UBR2: variants seen among roughly 807,000 people sequenced by gnomAD.
UBR2 encodes the protein ubiquitin protein ligase E3 component n-recognin 2, also known as E3 ubiquitin-protein ligase UBR2.
In UBR2, 92 loss-of-function variants were observed where a neutral mutation model predicts 247.9. The ratio of observed to expected loss-of-function variants is 0.37; its 90% CI spans 0.31 to 0.44. The LOEUF (loss-of-function observed/expected upper bound fraction) is 0.44, where lower values mean the gene tolerates loss of function less well. Among genes scored for constraint, UBR2 ranks in the 20% least tolerant of loss-of-function variants. UBR2 has a pLI of 1.00. For missense variants in UBR2, 1,613 were observed against 2,112.6 expected (o/e 0.76, Z 4.64); for synonymous variants, 672 against 693.5 (o/e 0.97, Z 0.49).
At position 42,564,714 on chromosome 6, in the gene UBR2, T is replaced by C. The variant is rs183100302; in HGVS notation, c.78+317T>C. ...TCTCCCAACACATGGGCCTTTGCCC[T>C]TTATATCAGCTCTTGGAAGAGGAGA... On this transcript the variant is annotated intron_variant, in intron 1 of 46. Transcript: ENST00000372901. 2.0e-5 allele frequency among the ~76,000 whole-genome samples: 3 copies of C among 152,362 alleles called. No individual in the cohort carries two copies. In the East Asian group the frequency reaches 5.8e-4, roughly 29 times the overall value.
intron 8 of UBR2, among the ~76,000 whole-genome samples, chr6:42,613,573 T>C (rs954948877): frequency 2.0e-5 from 3 of 152,090 alleles, no homozygotes; most frequent in Non-Finnish European, 4.4e-5. Flanking sequence ...AAATTTTTTT[T>C]AAAAGAAAAT....
At chr6:42,675,736 G>T (rs1201556438) in intron 38 of UBR2, among the ~76,000 whole-genome samples, 1 of 152,100 alleles carries the variant, frequency 6.6e-6, no homozygotes. Context: ...GAGGTGGGCG[G>T]ATTACCTGAG....
intron 38 of UBR2, 93 bp from the exon 39 acceptor site, chr6:42,675,963 A>G: frequency 6.7e-7 from 1 of 1,493,264 alleles, no homozygotes; most frequent in Non-Finnish European, 8.9e-7. Context: ...TCTCAAAAAA[A>G]AAATCAAAAT....
intron 36 of UBR2, 43 bp from the exon 37 acceptor site, chr6:42,673,748 C>T: frequency 6.8e-7 from 1 of 1,460,170 alleles, no homozygotes; most frequent in Non-Finnish European, 9.6e-7. Context: ...AAGAGAACTG[C>T]TTTGCATTTT....
chr6:42,607,914 A>G (rs1582516740), intron 7 of UBR2, among the ~76,000 whole-genome samples: 2 of 152,036 alleles, frequency 1.3e-5, no homozygotes, highest in East Asian at 3.8e-4. Context: ...ATTACACTGC[A>G]GCTTGCCTTT....
chr6:42,638,712 AGCACGCAGGCGCAGCGTG>A (rs1169802715), intron 15 of UBR2, among the ~76,000 whole-genome samples: 2 of 152,124 alleles, frequency 1.3e-5, no homozygotes, highest in African/African-American at 4.8e-5. Context: ...GTGTGGAAGT[AGCACGCAGGCGCAGCGTG>A]GCATGCCCTG....
chr6:42,589,243 A>G (rs1792500452), intron 2 of UBR2, among the ~76,000 whole-genome samples: 1 of 152,220 alleles, frequency 6.6e-6, no homozygotes, highest in Non-Finnish European at 1.5e-5. Flanking sequence ...TGCTGGGATT[A>G]CAGGTGTGAG....
chr6:42,658,050 C>T lies in UBR2; in HGVS notation c.2899C>T (p.Pro967Ser), dbSNP rs1257590432. The change falls in exon 27 of 47, where the codon CCT becomes TCT. Residue 967 changes from proline (P) to serine (S), a missense_variant. Transcript: ENST00000372901. ...SKPGEAPKNS[P>S]SILAMLETLQ... ...ACCTGGTGAAGCGCCAAAAAATTCT[C>T]CTAGCATACTAGCTATGCTGGAAAC... 1 of 1,613,766 alleles carries T rather than the reference C, an allele frequency of 6.2e-7. No individual in the cohort carries two copies. Among genetic ancestry groups the T allele is most frequent in the Non-Finnish European group, 8.5e-7 (1 of 1,179,884 alleles).
At chr6:42,614,205 A>AAAAAAAATAT (rs1562310782) in intron 8 of UBR2, among the ~76,000 whole-genome samples, 4 of 26,602 alleles carry the variant, frequency 1.5e-4, no homozygotes, top group Non-Finnish European at 2.0e-4. Context: ...AAAAAAAAAA[A>AAAAAAAATAT]CTATATATAT....
In UBR2 at chr6:42,673,767, G is replaced by T. The variant is rs1319348848; in HGVS notation, c.4087-24G>T. ...GAACTGCTTTGCATTTTTGTTTTTT[G>T]TTAATTGCGTTGGTTTATTTTAGGA... is the stretch of plus-strand genomic sequence containing the variant. On this transcript the variant is annotated intron_variant, in intron 36 of 46. Coordinates refer to ENST00000372901, the MANE Select transcript of UBR2 (RefSeq NM_001363705.2). 6 of 1,589,564 alleles carry T rather than the reference G, an allele frequency of 3.8e-6. No homozygotes were observed. In the Admixed American group the frequency reaches 5.2e-5, roughly 14 times the overall value.
intron 26 of UBR2, among the ~76,000 whole-genome samples, chr6:42,657,211 G>A (rs893845352): frequency 2.0e-5 from 3 of 149,918 alleles, no homozygotes; most frequent in Admixed American, 6.6e-5. Flanking sequence ...CTCCAGCCTG[G>A]GCGACAGAGT....
At chr6:42,617,638 C>T in intron 11 of UBR2, 131 bp downstream of exon 11, 1 of 772,788 alleles carries the variant, frequency 1.3e-6, no homozygotes, top group Admixed American at 2.8e-5. Context: ...CTTCAAACAC[C>T]TTCACTATTC....
intron 9 of UBR2, 23 bp from the exon 10 acceptor site, chr6:42,615,979 A>T (rs372101065): frequency 1.3e-6 from 2 of 1,531,830 alleles, no homozygotes; most frequent in Non-Finnish European, 1.8e-6. Flanking sequence ...TCCTTATCTT[A>T]TACCGTGATC....
rs375630489 is a variant in UBR2 at position 42,672,706 on chromosome 6, G to C, written c.4087-1085G>C. 2.0e-4 allele frequency among the ~76,000 whole-genome samples: 31 copies of C among 152,162 alleles called. 1 individual carries two copies. The East Asian group carries it at 2.9e-3, about 14-fold the overall frequency. ...CCCTAAGCAGACTGCTACTCTTTCA[G>C]ATGCTGTTCAAGCTTTCCCTTCCCT... On this transcript the variant is annotated intron_variant, in intron 36 of 46. Transcript: ENST00000372901.
chr6:42,591,180 A>C (rs1453727068), intron 2 of UBR2, among the ~76,000 whole-genome samples: 1 of 152,176 alleles, frequency 6.6e-6, no homozygotes, highest in Admixed American at 6.5e-5. Flanking sequence ...TGAGTCCAAG[A>C]GGTTGAGGCT....
At chr6:42,624,575 G>A (rs191055558) in intron 11 of UBR2, among the ~76,000 whole-genome samples, 49 of 152,294 alleles carry the variant, frequency 3.2e-4, no homozygotes, top group African/African-American at 1.1e-3. Context: ...CACAACATGG[G>A]AGACAGAGTT....
chr6:42,566,524 A>G (rs1165972538), intron 1 of UBR2, among the ~76,000 whole-genome samples: 1 of 152,112 alleles, frequency 6.6e-6, no homozygotes, highest in African/African-American at 2.4e-5. Context: ...TACAGCTGGG[A>G]TTACAGGCGT....
At chr6:42,584,622 A>G (rs531046299) in intron 2 of UBR2, among the ~76,000 whole-genome samples, 1 of 152,320 alleles carries the variant, frequency 6.6e-6, no homozygotes, top group Non-Finnish European at 1.5e-5. Flanking sequence ...TGACATTTTA[A>G]CAATACTGAG....
intron 18 of UBR2, among the ~76,000 whole-genome samples, chr6:42,643,436 A>G (rs1796559804): frequency 6.6e-6 from 1 of 152,032 alleles, no homozygotes; most frequent in South Asian, 2.1e-4. Context: ...TCTCTACTAA[A>G]GTTACAAAAA....
Sources: gnomAD v4.1 joint callset for allele counts (sites outside exome capture counted in the v4.1 genomes callset) on GRCh38, gnomAD v4.1.1 for gene constraint, MANE v1.5 for transcripts, NCBI Gene and HGNC (gene_info 2026-07-23, HGNC 2026-07-21) for gene names.